Variants in RBFOX1 observed in about 807,000 individuals in gnomAD.
RBFOX1 encodes RNA binding protein fox-1 homolog 1.
RBFOX1 carries 8 observed loss-of-function variants against 57.7 expected under a neutral mutation model. The ratio of observed to expected loss-of-function variants is 0.14; its 90% CI spans 0.08 to 0.25. The LOEUF is 0.25. RBFOX1 is among the 10% of genes least tolerant of loss of function. RBFOX1 has a pLI of 1.00. For synonymous variants in RBFOX1, 326 were observed against 222.4 expected, an observed-to-expected ratio of 1.47 and a Z score of -4.15; for missense variants, 611 against 548.5, an observed-to-expected ratio of 1.11 and a Z score of -1.14.
rs1034582640 is a variant in RBFOX1 at position 7,444,733 on chromosome 16, C to T, written c.28-73414C>T. ...TATTTGTAGAGGTGAGGGCTCCCTA[C>T]GTTGCCCAGGCTGGTCCTGAACCCC... On this transcript the variant is annotated intron_variant, in intron 4 of 15. Coordinates refer to ENST00000550418, the MANE Select transcript of RBFOX1 (RefSeq NM_018723.4). 3.9e-5 allele frequency among the ~76,000 whole-genome samples: 6 copies of T among 152,072 alleles called. No individual in the cohort carries two copies. The South Asian group carries it at 6.2e-4, about 16-fold the overall frequency.
chr16:6,070,530 T>C (rs1301979947), intron 1 of RBFOX1, among the ~76,000 whole-genome samples: 1 of 152,174 alleles, frequency 6.6e-6, no homozygotes, highest in Non-Finnish European at 1.5e-5. Flanking sequence ...TCACTCTTGT[T>C]TTTAGATTAG....
At chr16:7,014,775 A>G (rs1488626146) in intron 3 of RBFOX1, among the ~76,000 whole-genome samples, 2 of 152,056 alleles carry the variant, frequency 1.3e-5, no homozygotes, top group Non-Finnish European at 2.9e-5. Flanking sequence ...CCCAGGCTGG[A>G]GTGCAGTGGC....
At chr16:6,256,229 ATATGTG>A (rs2097664332) in intron 1 of RBFOX1, among the ~76,000 whole-genome samples, 4 of 58,928 alleles carry the variant, frequency 6.8e-5, no homozygotes, top group African/African-American at 2.7e-4. Context: ...ATGTATATAT[ATATGTG>A]TATATATATA....
chr16:7,488,347 G>A (rs1297913520), intron 4 of RBFOX1, among the ~76,000 whole-genome samples: 1 of 151,976 alleles, frequency 6.6e-6, no homozygotes, highest in Non-Finnish European at 1.5e-5. Flanking sequence ...CTAGATAGTT[G>A]GATAGATACA....
intron 3 of RBFOX1, among the ~76,000 whole-genome samples, chr16:6,862,089 T>C (rs2059126505): frequency 1.3e-5 from 2 of 152,136 alleles, no homozygotes; most frequent in African/African-American, 2.4e-5. Context: ...GAAGATGTCA[T>C]TGGGCTGTGA....
At chr16:7,578,802 C>G (rs1041620713) in intron 5 of RBFOX1, among the ~76,000 whole-genome samples, 2 of 152,132 alleles carry the variant, frequency 1.3e-5, no homozygotes, top group African/African-American at 4.8e-5. Flanking sequence ...TGCTAAATGT[C>G]TGAAATGTTA....
chr16:5,600,625 C>T (rs2047336220), downstream of RBFOX1, among the ~76,000 whole-genome samples: 1 of 152,022 alleles, frequency 6.6e-6, no homozygotes, highest in Non-Finnish European at 1.5e-5. Flanking sequence ...TAAGGGCCCA[C>T]TGCTTGGTGT....
chr16:5,725,864 G>C (rs11642199), intron 3 of RBFOX1, among the ~76,000 whole-genome samples: 20,438 of 151,898 alleles, frequency 0.13, 1,865 homozygotes, highest in Non-Finnish European at 0.21. Flanking sequence ...GGCATGAGGA[G>C]GCTGCTGGGT....
intron 4 of RBFOX1, among the ~76,000 whole-genome samples, chr16:7,332,565 A>C (rs76502556): frequency 6.6e-6 from 1 of 152,256 alleles, no homozygotes; most frequent in African/African-American, 2.4e-5. Flanking sequence ...TTCCCTAAAA[A>C]TCCCATGTAG....
At chr16:6,628,427 T>A (rs759148218) in intron 2 of RBFOX1, among the ~76,000 whole-genome samples, 5 of 152,212 alleles carry the variant, frequency 3.3e-5, no homozygotes, top group Non-Finnish European at 5.9e-5. Context: ...ATGAGGCTGG[T>A]TTTCAAATAT....
At chr16:6,911,884 A>G (rs2071708594) in intron 3 of RBFOX1, among the ~76,000 whole-genome samples, 1 of 152,224 alleles carries the variant, frequency 6.6e-6, no homozygotes, top group African/African-American at 2.4e-5. Flanking sequence ...ATCATAGTAC[A>G]GGTGGTCTTC....
intron 4 of RBFOX1, among the ~76,000 whole-genome samples, chr16:5,885,313 G>A (rs1193802144): frequency 6.7e-6 from 1 of 148,266 alleles, no homozygotes; most frequent in Admixed American, 6.7e-5. Context: ...TAGACTCCTG[G>A]AGGCTTAAAA....
At chr16:6,743,136 A>G (rs1051368624) in intron 3 of RBFOX1, among the ~76,000 whole-genome samples, 12 of 152,230 alleles carry the variant, frequency 7.9e-5, no homozygotes, top group South Asian at 2.1e-4. Flanking sequence ...TTTGCCTTTT[A>G]TAGTGTTACT....
At chr16:6,875,895 G>T (rs1443668660) in intron 3 of RBFOX1, among the ~76,000 whole-genome samples, 1 of 152,166 alleles carries the variant, frequency 6.6e-6, no homozygotes, top group African/African-American at 2.4e-5. Context: ...CTACTTGAAG[G>T]GCTGAGGTGG....
At chr16:6,717,405 C>T (rs190627812) in intron 3 of RBFOX1, among the ~76,000 whole-genome samples, 1 of 152,112 alleles carries the variant, frequency 6.6e-6, no homozygotes, top group Non-Finnish European at 1.5e-5. Flanking sequence ...GTCTTTTCTA[C>T]TACAGCATAA....
At chr16:5,668,935 G>C (rs1567372854) in intron 3 of RBFOX1, among the ~76,000 whole-genome samples, 1 of 152,086 alleles carries the variant, frequency 6.6e-6, no homozygotes, top group Non-Finnish European at 1.5e-5. Flanking sequence ...TTGGTTAGGG[G>C]GAGCATTGCT....
At chr16:6,090,266 G>C (rs1340734858) in intron 1 of RBFOX1, 1 of 152,134 alleles carries the variant, frequency 6.6e-6, no homozygotes, top group Non-Finnish European at 1.5e-5. Flanking sequence ...TTTGAGGTCA[G>C]ATGATTAGTA....
intron 3 of RBFOX1, among the ~76,000 whole-genome samples, chr16:6,673,004 C>A (rs1057073127): frequency 6.6e-6 from 1 of 152,114 alleles, no homozygotes; most frequent in East Asian, 1.9e-4. Flanking sequence ...CAGTGCAATG[C>A]TAACAATATG....
chr16:7,159,856 T>G (rs891828357), intron 4 of RBFOX1, among the ~76,000 whole-genome samples: 2 of 152,182 alleles, frequency 1.3e-5, no homozygotes, highest in Non-Finnish European at 2.9e-5. Flanking sequence ...AATGGAAAAA[T>G]AATATTTGGC....
Sources: gnomAD v4.1 joint callset for allele counts (sites outside exome capture counted in the v4.1 genomes callset) on GRCh38, gnomAD v4.1.1 for gene constraint, MANE v1.5 for transcripts, NCBI Gene and HGNC (gene_info 2026-07-23, HGNC 2026-07-21) for gene names.